Variants in MOV10L1 observed in about 807,000 individuals in gnomAD.
The protein encoded by MOV10L1 is Mov10 like RNA helicase 1.
A neutral mutation model predicts 143.8 loss-of-function variants in MOV10L1; 110 were observed. That is an observed-to-expected ratio of 0.76 (90% CI 0.66 to 0.90). The LOEUF (loss-of-function observed/expected upper bound fraction) is 0.90, where lower values mean the gene tolerates loss of function less well. Among genes scored for constraint, MOV10L1 ranks in the 40% least tolerant of loss-of-function variants. MOV10L1 has a pLI of 0.00. For synonymous variants in MOV10L1, 593 were observed against 581.1 expected (o/e 1.02, Z -0.29); for missense variants, 1,406 against 1,526.8 (o/e 0.92, Z 1.32).
intron 15 of MOV10L1, among the ~76,000 whole-genome samples, chr22:50,135,373 T>C (rs1464740334): frequency 6.6e-6 from 1 of 152,150 alleles, no homozygotes; most frequent in Non-Finnish European, 1.5e-5. Flanking sequence ...TATGTGATTG[T>C]GTATGCATGG....
At position 50,117,314 on chromosome 22, in the gene MOV10L1, T is replaced by A; in HGVS notation, c.1417T>A (p.Ser473Thr). Reference protein sequence around the residue: ...KKLKSSQALTSAKTTVVVTAQ... With the variant: ...KKLKSSQALTTAKTTVVVTAQ... ...GCTTAAAAGTTCACAAGCGTTAACA[T>A]CCGCAAAAACTACAGTTGTTGTGAC... The change falls in exon 9 of 27, where the codon TCC (serine) becomes ACC (threonine). Residue 473 changes from serine (S) to threonine (T), a missense_variant. Ser to Thr is a moderately conservative substitution (Grantham distance 58). Coordinates refer to ENST00000262794, the MANE Select transcript of MOV10L1 (RefSeq NM_018995.3). 6.2e-7 allele frequency: 1 copy of A among 1,614,114 alleles called. No homozygotes were observed. Among genetic ancestry groups the A allele is most frequent in the African/African-American group, 1.3e-5 (1 of 75,038 alleles).
At position 50,159,857 on chromosome 22, in the gene MOV10L1, A is replaced by C. The variant is rs757203639; in HGVS notation, c.3324+72A>C. 3.9e-6 allele frequency: 4 copies of C among 1,026,916 alleles called. No homozygotes were observed. The highest frequency in any genetic ancestry group is 4.5e-6 in the Non-Finnish European group (3 of 669,894). The allele number at this position is 1,026,916 out of a possible 1,614,324, so 63.6% of individuals were successfully genotyped here. The stretch of plus-strand genomic sequence containing the variant: ...GCCCTGGGGGTTCTGGGGGCTTCAG[A>C]TCTAAAGGGGCAGAGGCTGATTCCC... On this transcript the variant is annotated intron_variant, in intron 24 of 26. Transcript: ENST00000262794. The surrounding 1 kb of genome is among the most constrained non-coding windows in gnomAD (Gnocchi z 4.1).
At chr22:50,107,665 C>T (rs971649452) in intron 3 of MOV10L1, among the ~76,000 whole-genome samples, 1 of 152,304 alleles carries the variant, frequency 6.6e-6, no homozygotes, top group East Asian at 1.9e-4. Flanking sequence ...CGGTGTCTTG[C>T]GTCCGGCAGG....
intron 10 of MOV10L1, 103 bp downstream of exon 10, chr22:50,120,719 T>A: frequency 2.4e-6 from 2 of 827,024 alleles, no homozygotes; most frequent in Non-Finnish European, 3.9e-6. Context: ...TTCATCTGGC[T>A]TGTTTTCTTC....
intron 19 of MOV10L1, among the ~76,000 whole-genome samples, chr22:50,149,238 G>C (rs1268276862): frequency 6.6e-6 from 1 of 152,254 alleles, no homozygotes; most frequent in Non-Finnish European, 1.5e-5. Flanking sequence ...GTCAGGACTA[G>C]AGCCTGGGCA....
intron 9 of MOV10L1, 71 bp from the exon 10 acceptor site, chr22:50,120,431 T>C (rs2062305912): frequency 1.0e-6 from 1 of 959,376 alleles, no homozygotes; most frequent in Middle Eastern, 2.2e-4. Flanking sequence ...GGAAAGGATG[T>C]TTAGGTAAGA....
chr22:50,152,477 G>A lies in MOV10L1; in HGVS notation c.2893-568G>A, dbSNP rs979103784. Among the ~76,000 whole-genome samples the A allele has an allele frequency of 2.6e-5, 4 of 152,170 alleles. No homozygotes were observed. The highest frequency in any genetic ancestry group is 5.9e-5 in the Non-Finnish European group (4 of 68,008). ...CCTGAGTGAGCTTCCCGAGCAAGTT[G>A]GAGGCAGACAGTAAAGGTGTCCCAT... is the stretch of plus-strand genomic sequence containing the variant. On this transcript the variant is annotated intron_variant, in intron 21 of 26. Transcript: ENST00000262794. This position sits in a 1 kb window ranked among gnomAD's most constrained non-coding sequence, Gnocchi z 4.4.
rs781643753 is a variant in MOV10L1, at chr22:50,159,676, A to G, written c.3217-2A>G. ...TAGTCTTTCTTTTAATCTGTTCTCA[A>G]GGTGGAGAAAATCAGAATTCTTTTG... On this transcript the variant is annotated splice_acceptor_variant, in intron 23 of 26. Coordinates refer to ENST00000262794, the MANE Select transcript of MOV10L1 (RefSeq NM_018995.3). LOFTEE classifies it high-confidence loss of function. This position sits in a 1 kb window ranked among gnomAD's most constrained non-coding sequence, Gnocchi z 4.1. 1.9e-6 allele frequency: 3 copies of G among 1,585,624 alleles called. No individual in the cohort carries two copies. Among genetic ancestry groups the G allele is most frequent in the South Asian group, 2.2e-5 (2 of 90,130 alleles).
chr22:50,137,810 T>C (rs6010187), intron 15 of MOV10L1, among the ~76,000 whole-genome samples: 1,453 of 97,340 alleles, frequency 0.015, 73 homozygotes, highest in South Asian at 0.059. Context: ...TTTATATATA[T>C]ACATATATAA....
chr22:50,092,142 T>C lies in MOV10L1; in HGVS notation c.239T>C (p.Val80Ala), dbSNP rs746064791. ...AATGTTGGACAGGAAGTGATTGCAG[T>C]TGTGGAAGAAAATAAAGTGTCCAAT... ...LLNVGQEVIA[V>A]VEENKVSNGL... Residue 80 changes from valine to alanine, a missense_variant, in exon 2 of 27, where the codon GTT becomes GCT. Val to Ala is a moderately conservative substitution (Grantham distance 64). This residue lies in a region of MOV10L1 where 166 missense variants were observed against 153.9 expected (regional missense o/e 1.08). Transcript: ENST00000262794. 6.2e-6 allele frequency: 10 copies of C among 1,614,218 alleles called. No homozygotes were observed. The highest frequency in any genetic ancestry group is 1.3e-5 in the African/African-American group (1 of 75,062).
chr22:50,133,513 T>A (rs1277976367), intron 13 of MOV10L1, among the ~76,000 whole-genome samples: 1 of 151,536 alleles, frequency 6.6e-6, no homozygotes, highest in Non-Finnish European at 1.5e-5. Flanking sequence ...ATGCTTTTTT[T>A]TTTGGCTTCT....
chr22:50,157,275 C>A (rs575787517), intron 22 of MOV10L1, among the ~76,000 whole-genome samples: 133 of 152,144 alleles, frequency 8.7e-4, no homozygotes, highest in Non-Finnish European at 2.2e-4. Flanking sequence ...TTTTCTCCCC[C>A]CTCCGCAGAC....
intron 15 of MOV10L1, among the ~76,000 whole-genome samples, chr22:50,140,569 T>C (rs571202813): frequency 6.6e-6 from 1 of 152,238 alleles, no homozygotes; most frequent in South Asian, 2.1e-4. Flanking sequence ...GAAAAAAATA[T>C]GTATCACAAA....
In MOV10L1 at chr22:50,158,116, G is replaced by A. The variant is rs755895366; in HGVS notation, c.3126G>A (p.Gln1042=). 1 of 1,614,182 alleles carries A rather than the reference G, an allele frequency of 6.2e-7. No homozygotes were observed. Among genetic ancestry groups the A allele is most frequent in the Non-Finnish European group, 8.5e-7 (1 of 1,180,024 alleles). ...GGTTCAACCCGGCCGAGGCCGTCCA[G>A]GTCCTGCGCTACTGCTGCCTCCTGG... is the stretch of plus-strand genomic sequence containing the variant. ...PSWFNPAEAV[Q]VLRYCCLLAH... is the part of the protein sequence containing the mutation. Residue 1042 remains glutamine (Q), a synonymous_variant, in exon 23 of 27, where the codon CAG becomes CAA. Coordinates refer to ENST00000262794, the MANE Select transcript of MOV10L1 (RefSeq NM_018995.3). The surrounding 1 kb of genome is among the most constrained non-coding windows in gnomAD (Gnocchi z 5.0).
In MOV10L1 at chr22:50,116,953, G is replaced by A. The variant is rs560679915; in HGVS notation, c.1260-204G>A. On this transcript the variant is annotated intron_variant, in intron 8 of 26. Transcript: ENST00000262794. ...TTACAGGCCTGAGCCACCGCACCGG[G>A]CCTGTAGGTGCTTAATTTTATCTTG... Among the ~76,000 whole-genome samples, 20 of 152,230 alleles carry A rather than the reference G, an allele frequency of 1.3e-4. No individual in the cohort carries two copies. The South Asian group carries it at 1.5e-3, about 11-fold the overall frequency.
chr22:50,122,107 A>G (rs1167974735), intron 10 of MOV10L1, among the ~76,000 whole-genome samples: 1 of 152,060 alleles, frequency 6.6e-6, no homozygotes. Context: ...TGGAATTTTG[A>G]TGGGAATTGC....
rs368541599 is a variant in MOV10L1, at chr22:50,134,586, C to T, written c.2026C>T (p.His676Tyr). ...QSPQVTGNWN[H>Y]AQDTKSSGQS... ...TCCACAAGTGACGGGAAATTGGAAC[C>T]ATGCACAAGACACCAAAAGCAGTGG... is the stretch of plus-strand genomic sequence containing the variant. The change falls in exon 15 of 27, where the codon CAT becomes TAT. Residue 676 changes from histidine (H) to tyrosine (Y), a missense_variant. His to Tyr is a moderately conservative substitution (Grantham distance 83). This residue lies in a region of MOV10L1 where 1,233 missense variants were observed against 1,351.4 expected (regional missense o/e 0.91). Transcript: ENST00000262794. 2.5e-6 allele frequency: 4 copies of T among 1,614,128 alleles called. No individual in the cohort carries two copies. In the African/African-American group the frequency reaches 4.0e-5, roughly 16 times the overall value.
intron 13 of MOV10L1, among the ~76,000 whole-genome samples, chr22:50,133,573 C>CT: frequency 6.6e-6 from 1 of 151,530 alleles, no homozygotes; most frequent in East Asian, 1.9e-4. Context: ...CAGAGTCTCA[C>CT]TCTGTCACCC....
chr22:50,128,774 A>C (rs1249557199), intron 13 of MOV10L1, among the ~76,000 whole-genome samples: 1 of 150,398 alleles, frequency 6.6e-6, no homozygotes, highest in African/African-American at 2.5e-5. Context: ...TGAACTCCTG[A>C]CCTTGTGATA....
Sources: allele counts gnomAD v4.1 joint callset (sites outside exome capture counted in the v4.1 genomes callset), GRCh38; gene constraint gnomAD v4.1.1; regional missense constraint gnomAD v4.1.1; non-coding constraint Gnocchi (gnomAD v3.1); transcripts MANE v1.5; gene names NCBI Gene and HGNC (gene_info 2026-07-23, HGNC 2026-07-21).